Variants in WDSUB1 observed in about 807,000 individuals in gnomAD.
The protein encoded by WDSUB1 is WD repeat, sterile alpha motif and U-box domain containing 1, also known as WD repeat, SAM and U-box domain-containing protein 1.
WDSUB1 carries 49 observed loss-of-function variants against 53.9 expected under a neutral mutation model. The ratio of observed to expected loss-of-function variants is 0.91; its 90% confidence interval spans 0.72 to 1.15. WDSUB1 has a LOEUF of 1.15. Among genes scored for constraint, WDSUB1 ranks in the 50% most tolerant of loss-of-function variants. The probability of loss-of-function intolerance (pLI) is 0.00; values close to 1 mark genes in which losing one functional copy is unlikely to be tolerated. For missense variants in WDSUB1, 514 were observed against 562.0 expected, an observed-to-expected ratio of 0.91 and a Z score of 0.86; for synonymous variants, 194 against 200.6, an observed-to-expected ratio of 0.97 and a Z score of 0.28.
chr2:159,254,470 A>G (rs1204756240), intron 9 of WDSUB1, among the ~76,000 whole-genome samples: 1 of 152,138 alleles, frequency 6.6e-6, no homozygotes, highest in Non-Finnish European at 1.5e-5. Context: ...CCGAGGTAGG[A>G]GGATCACTTG....
intron 2 of WDSUB1, among the ~76,000 whole-genome samples, chr2:159,281,258 T>TG (rs70994283): frequency 1.3e-5 from 2 of 151,600 alleles, no homozygotes; most frequent in African/African-American, 2.4e-5. Context: ...CTTTTTTTTT[T>TG]GAGACAGGGT....
At chr2:159,280,091 A>G (rs993576818) in intron 2 of WDSUB1, 146 bp from the exon 3 acceptor site, 1 of 681,388 alleles carries the variant, frequency 1.5e-6, no homozygotes, top group Non-Finnish European at 2.3e-6. Context: ...CTACAGAAAT[A>G]AAATATCATT....
At position 159,283,023 on chromosome 2, in the gene WDSUB1, T is replaced by C. The variant is rs776731675; in HGVS notation, c.47A>G (p.Asn16Ser). The change falls in exon 2 of 11, where the codon AAC (asparagine) becomes AGC (serine). Residue 16 changes from asparagine (N) to serine (S), a missense_variant. By Grantham distance (46) the Asn-to-Ser change is conservative. Transcript: ENST00000359774. ...HTLADHGDDVNCCAFSFSLLA... is the reference protein window; with the variant it reads ...HTLADHGDDVSCCAFSFSLLA... The stretch of plus-strand genomic sequence containing the variant: ...GAGGGAAAAGGAGAAGGCACAGCAG[T>C]TGACATCGTCACCATGATCAGCTAA... 3 of 1,613,926 alleles carry C rather than the reference T, an allele frequency of 1.9e-6. No individual in the cohort carries two copies. The highest frequency in any genetic ancestry group is 1.1e-5 in the South Asian group (1 of 91,088).
intron 9 of WDSUB1, among the ~76,000 whole-genome samples, chr2:159,250,447 A>T (rs2060926290): frequency 6.6e-6 from 1 of 152,224 alleles, no homozygotes; most frequent in South Asian, 2.1e-4. Context: ...AGAGAAAGCT[A>T]TTTCAACACA....
intron 5 of WDSUB1, among the ~76,000 whole-genome samples, chr2:159,260,070 G>A (rs1272613614): frequency 2.0e-5 from 3 of 152,198 alleles, no homozygotes; most frequent in Non-Finnish European, 4.4e-5. Context: ...TTGGGAGGTT[G>A]ATTCGAGCGG....
intron 6 of WDSUB1, among the ~76,000 whole-genome samples, chr2:159,259,036 A>ATTTTTTTTTTTTTTTTTTTTT (rs1553629127): frequency 1.8e-3 from 265 of 150,638 alleles, no homozygotes; most frequent in African/African-American, 5.9e-3. Flanking sequence ...CAACTACTTT[A>ATTTTTTTTTTTTTTTTTTTTT]TTTTTGAGAC....
chr2:159,277,740 T>G lies in WDSUB1; in HGVS notation c.583+2021A>C, dbSNP rs184813620. Among the ~76,000 whole-genome samples the G allele has an allele frequency of 2.9e-3, 327 of 113,010 alleles. 2 individuals are homozygous for G. The highest frequency in any genetic ancestry group is 6.4e-3 in the South Asian group (27 of 4,208). 74.1% of individuals were successfully genotyped at this position (113,010 alleles called of 152,430 possible). A position where few individuals can be genotyped will look rare whatever the true frequency, so the allele number is the denominator to read the frequency against. On this transcript the variant is annotated intron_variant, in intron 3 of 10. Coordinates refer to ENST00000359774, the MANE Select transcript of WDSUB1 (RefSeq NM_001128212.3). ...CAAATTGAAATTATATACTTTGTCTTCTAAATACAGTTGTTCCCACAAATT... is the reference window on the plus strand; with the variant it reads ...CAAATTGAAATTATATACTTTGTCTGCTAAATACAGTTGTTCCCACAAATT...
At chr2:159,238,295 T>G (rs996803965) in intron 10 of WDSUB1, among the ~76,000 whole-genome samples, 29 of 63,818 alleles carry the variant, frequency 4.5e-4, no homozygotes, top group African/African-American at 1.4e-3. Flanking sequence ...TACTTACAAA[T>G]TCTATCAAGG....
intron 10 of WDSUB1, among the ~76,000 whole-genome samples, 182 bp downstream of exon 10, chr2:159,248,189 CA>C (rs570610358): frequency 1.3e-5 from 2 of 151,882 alleles, no homozygotes; most frequent in South Asian, 4.1e-4. Context: ...GTCAACTCCA[CA>C]ACTACTCTGT....
chr2:159,277,473 T>G lies in WDSUB1; in HGVS notation c.584-1835A>C, dbSNP rs151019833. ...AAATTCAGCTAAGACAATGGAAAATTACACAGGTTAAAATGTGCTTATGTT... is the reference window on the plus strand; with the variant it reads ...AAATTCAGCTAAGACAATGGAAAATGACACAGGTTAAAATGTGCTTATGTT... On this transcript the variant is annotated intron_variant, in intron 3 of 10. Transcript: ENST00000359774. Among the ~76,000 whole-genome samples, 20 of 152,308 alleles carry G rather than the reference T, an allele frequency of 1.3e-4. No homozygotes were observed. The East Asian group carries it at 3.9e-3, about 29-fold the overall frequency.
At chr2:159,240,765 C>T (rs956584018) in intron 10 of WDSUB1, among the ~76,000 whole-genome samples, 1 of 152,114 alleles carries the variant, frequency 6.6e-6, no homozygotes, top group Non-Finnish European at 1.5e-5. Context: ...GATTTAAACC[C>T]AAGCAGTGTG....
In WDSUB1 at chr2:159,236,132, T is replaced by C. The variant is rs770115129; in HGVS notation, c.1332A>G (p.Thr444=). The change falls in exon 11 of 11, where the codon ACA becomes ACG. Residue 444 remains threonine (T), a synonymous_variant. Coordinates refer to ENST00000359774, the MANE Select transcript of WDSUB1 (RefSeq NM_001128212.3). ...GAAGAACAAGATTTGTCATGGGACT[T>C]GTACGTTTCTTTTTGCTGATCCAAT... is the stretch of plus-strand genomic sequence containing the variant. The part of the protein sequence containing the change: ...MENWISKKKR[T]SPMTNLVLPS... 1.2e-6 allele frequency: 2 copies of C among 1,613,860 alleles called. No homozygotes were observed. Among genetic ancestry groups the C allele is most frequent in the South Asian group, 1.1e-5 (1 of 90,936 alleles).
chr2:159,282,598 A>C, intron 2 of WDSUB1, 74 bp downstream of exon 2: 1 of 1,510,332 alleles, frequency 6.6e-7, no homozygotes, highest in Non-Finnish European at 9.0e-7. Context: ...GAGTATCAAA[A>C]TATTTTGCTT....
At chr2:159,266,198 T>C (rs914452755) in intron 5 of WDSUB1, among the ~76,000 whole-genome samples, 1 of 151,420 alleles carries the variant, frequency 6.6e-6, no homozygotes, top group Admixed American at 6.6e-5. Context: ...GGAACCTTAC[T>C]TTTTTTTTGA....
intron 3 of WDSUB1, among the ~76,000 whole-genome samples, chr2:159,278,305 G>A (rs1047754406): frequency 2.6e-5 from 4 of 152,032 alleles, no homozygotes; most frequent in Non-Finnish European, 5.9e-5. Context: ...CGTAAGAATG[G>A]GTTTATGAAA....
intron 5 of WDSUB1, among the ~76,000 whole-genome samples, chr2:159,267,033 A>G (rs530985927): frequency 6.6e-6 from 1 of 151,876 alleles, no homozygotes; most frequent in Non-Finnish European, 1.5e-5. Flanking sequence ...TCAGCCTCCC[A>G]AAGTGGTGGG....
chr2:159,274,882 T>C (rs2061508360), intron 4 of WDSUB1, among the ~76,000 whole-genome samples: 2 of 152,112 alleles, frequency 1.3e-5, no homozygotes, highest in Non-Finnish European at 2.9e-5. Flanking sequence ...CTTACATTTA[T>C]AAAGGACACT....
intron 6 of WDSUB1, among the ~76,000 whole-genome samples, chr2:159,259,036 A>AATTTTTTTTTTTTTTTTTTTTTTTTTTTT (rs1436442238): frequency 6.6e-6 from 1 of 150,612 alleles, no homozygotes; most frequent in African/African-American, 2.4e-5. Context: ...CAACTACTTT[A>AATTTTTTTTTTTTTTTTTTTTTTTTTTTT]TTTTTGAGAC....
At chr2:159,268,419 T>C (rs1050998379) in intron 5 of WDSUB1, among the ~76,000 whole-genome samples, 15 of 152,242 alleles carry the variant, frequency 9.9e-5, no homozygotes, top group Non-Finnish European at 2.1e-4. Context: ...ATAAATACTT[T>C]TTGATGATGA....
Sources: allele counts gnomAD v4.1 joint callset (sites outside exome capture counted in the v4.1 genomes callset), GRCh38; gene constraint gnomAD v4.1.1; transcripts MANE v1.5; gene names NCBI Gene and HGNC (gene_info 2026-07-23, HGNC 2026-07-21).